FAM13A: variants seen among roughly 807,000 people sequenced by gnomAD.
The protein encoded by FAM13A is protein FAM13A.
In FAM13A, 76 loss-of-function variants were observed where a neutral mutation model predicts 129.6. That is an observed-to-expected ratio of 0.59 (90% CI 0.49 to 0.71). FAM13A has a LOEUF of 0.71. Ranked by LOEUF, FAM13A falls within the 30% of genes least tolerant of loss-of-function variation. FAM13A has a pLI of 0.00. For synonymous variants in FAM13A, 443 were observed against 449.9 expected, an observed-to-expected ratio of 0.98 and a Z score of 0.20; for missense variants, 1,108 against 1,249.3, an observed-to-expected ratio of 0.89 and a Z score of 1.70.
chr4:89,014,477 A>G (rs1190429050), intron 3 of FAM13A, among the ~76,000 whole-genome samples: 1 of 152,220 alleles, frequency 6.6e-6, no homozygotes, highest in Non-Finnish European at 1.5e-5. Context: ...ATGTTTTTGT[A>G]ACCAGAATCA....
chr4:88,787,389 T>G (rs116705586), intron 10 of FAM13A, among the ~76,000 whole-genome samples: 10 of 152,244 alleles, frequency 6.6e-5, no homozygotes, highest in Non-Finnish European at 1.3e-4. Context: ...AATAGTCAAC[T>G]TAATGTTGTC....
intron 7 of FAM13A, among the ~76,000 whole-genome samples, chr4:88,850,321 G>A (rs1309026078): frequency 2.6e-5 from 4 of 152,184 alleles, no homozygotes; most frequent in East Asian, 1.9e-4. Flanking sequence ...TTGGGAGGCC[G>A]AGGTAGAGGG....
intron 3 of FAM13A, among the ~76,000 whole-genome samples, chr4:89,016,367 G>C (rs1377421486): frequency 6.6e-6 from 1 of 152,118 alleles, no homozygotes; most frequent in Non-Finnish European, 1.5e-5. Flanking sequence ...AAGTTATAAA[G>C]TAAAAAAGTT....
At chr4:89,033,492 G>C (rs758095121) in intron 1 of FAM13A, among the ~76,000 whole-genome samples, 5 of 152,154 alleles carry the variant, frequency 3.3e-5, no homozygotes, top group Non-Finnish European at 7.4e-5. Flanking sequence ...TCTTAACACT[G>C]TCTCCAACTA....
At chr4:88,833,426 T>A (rs1423471185) in intron 7 of FAM13A, among the ~76,000 whole-genome samples, 1 of 152,182 alleles carries the variant, frequency 6.6e-6, no homozygotes. Context: ...TGCCTTATTT[T>A]GTTCATTAAA....
chr4:88,883,451 T>C (rs1486687825), intron 6 of FAM13A, among the ~76,000 whole-genome samples: 1 of 152,054 alleles, frequency 6.6e-6, no homozygotes, highest in Admixed American at 6.6e-5. Context: ...AATTAAAAAA[T>C]TCATTGAACT....
chr4:88,945,998 A>ATGTGTG (rs1195434201), intron 4 of FAM13A, among the ~76,000 whole-genome samples: 3 of 70,088 alleles, frequency 4.3e-5, no homozygotes, highest in Non-Finnish European at 6.5e-5. Flanking sequence ...GTGTATATAT[A>ATGTGTG]TATATATATA....
At chr4:89,044,645 G>A (rs1243672526) in intron 1 of FAM13A, among the ~76,000 whole-genome samples, 1 of 152,004 alleles carries the variant, frequency 6.6e-6, no homozygotes, top group Non-Finnish European at 1.5e-5. Context: ...CATTATTCAC[G>A]ACAGCCAAAA....
intron 7 of FAM13A, among the ~76,000 whole-genome samples, chr4:88,827,598 A>T (rs1733222376): frequency 6.6e-6 from 1 of 152,212 alleles, no homozygotes; most frequent in Admixed American, 6.5e-5. Context: ...GCCCTTCTTG[A>T]TAATGATGTA....
At chr4:88,918,564 T>C (rs1750487218) in intron 5 of FAM13A, among the ~76,000 whole-genome samples, 2 of 152,204 alleles carry the variant, frequency 1.3e-5, no homozygotes. Flanking sequence ...CAGGAAACAA[T>C]GCAAGTTAGG....
In FAM13A at chr4:88,961,347, C is replaced by CTTTTTTTT. The variant is rs773764813; in HGVS notation, c.606-23114_606-23107dup. Among the ~76,000 whole-genome samples the CTTTTTTTT allele has an allele frequency of 1.0e-3, 56 of 55,438 alleles. 13 individuals carry two copies. The highest frequency in any genetic ancestry group is 1.3e-3 in the Non-Finnish European group (38 of 29,388). 36.4% of individuals were successfully genotyped at this position (55,438 alleles called of 152,430 possible). A position where few individuals can be genotyped will look rare whatever the true frequency, so the allele number is the denominator to read the frequency against. The stretch of plus-strand genomic sequence containing the variant: ...AAATCCTCAGCTTTGTGGAATTTGC[C>CTTTTTTTT]TTTTTTTTTTTTTTTTTTTTTTTTT... On this transcript the variant is annotated intron_variant, in intron 4 of 23. Transcript: ENST00000264344.
At chr4:88,803,406 G>T (rs995219135) in intron 8 of FAM13A, among the ~76,000 whole-genome samples, 1 of 151,950 alleles carries the variant, frequency 6.6e-6, no homozygotes, top group African/African-American at 2.4e-5. Context: ...ATATATTATT[G>T]ATTTTCTTTT....
Position 88,745,809 on chromosome 4 carries a change from C to A in FAM13A, c.2466+1123G>T, listed in dbSNP as rs115595351. 4.2e-3 allele frequency among the ~76,000 whole-genome samples: 643 copies of A among 151,978 alleles called. 9 individuals are homozygous for A. The highest frequency in any genetic ancestry group is 0.015 in the African/African-American group (610 of 41,442). On this transcript the variant is annotated intron_variant, in intron 19 of 23. Coordinates refer to ENST00000264344, the MANE Select transcript of FAM13A (RefSeq NM_014883.4). ...ATTATCCCAGAGTGTCAGTATTTTT[C>A]CACTGCAGGGACAGGCCAGCAGAAG...
Position 88,918,949 on chromosome 4 carries a change from G to A in FAM13A, c.760-12487C>T, listed in dbSNP as rs562249827. ...GATAAGGCAAACTTTGATGGTAGCTGGTCTAATATGAGGAGGGCTCCTCAA... is the reference window on the plus strand; with the variant it reads ...GATAAGGCAAACTTTGATGGTAGCTAGTCTAATATGAGGAGGGCTCCTCAA... On this transcript the variant is annotated intron_variant, in intron 5 of 23. Coordinates refer to ENST00000264344, the MANE Select transcript of FAM13A (RefSeq NM_014883.4). 5.3e-5 allele frequency among the ~76,000 whole-genome samples: 8 copies of A among 152,254 alleles called. No homozygotes were observed. The South Asian group carries it at 1.7e-3, about 32-fold the overall frequency.
At chr4:88,779,564 T>C (rs537793960) in intron 11 of FAM13A, among the ~76,000 whole-genome samples, 6 of 152,262 alleles carry the variant, frequency 3.9e-5, no homozygotes, top group African/African-American at 1.4e-4. Flanking sequence ...TTCAAGTTAT[T>C]CATTGCAACA....
chr4:88,920,187 A>T (rs1750810013), intron 5 of FAM13A, among the ~76,000 whole-genome samples: 1 of 152,144 alleles, frequency 6.6e-6, no homozygotes, highest in South Asian at 2.1e-4. Flanking sequence ...GACAGCTTTG[A>T]AGAGAGCAGT....
intron 6 of FAM13A, among the ~76,000 whole-genome samples, chr4:88,875,058 T>C (rs1164236187): frequency 6.6e-6 from 1 of 152,194 alleles, no homozygotes; most frequent in Admixed American, 6.5e-5. Context: ...CCCTATTTAA[T>C]AAATGGTGCT....
At chr4:88,739,785 T>TAAAA (rs1739826670) in intron 19 of FAM13A, among the ~76,000 whole-genome samples, 2 of 54,008 alleles carry the variant, frequency 3.7e-5, no homozygotes, top group South Asian at 9.3e-4. Context: ...AGACTCTGTC[T>TAAAA]CAAAAAAAAA....
intron 13 of FAM13A, among the ~76,000 whole-genome samples, chr4:88,762,535 T>C (rs557713884): frequency 6.6e-6 from 1 of 152,278 alleles, no homozygotes; most frequent in African/African-American, 2.4e-5. Flanking sequence ...TGCTGGTCTA[T>C]GATGTGACAG....
Sources: allele counts gnomAD v4.1 joint callset (sites outside exome capture counted in the v4.1 genomes callset), GRCh38; gene constraint gnomAD v4.1.1; transcripts MANE v1.5; gene names NCBI Gene and HGNC (gene_info 2026-07-23, HGNC 2026-07-21).